EBF1: variants seen among roughly 807,000 people sequenced by gnomAD.
The protein encoded by EBF1 is transcription factor COE1.
In EBF1, 10 loss-of-function variants were observed where a neutral mutation model predicts 68.4. The ratio of observed to expected loss-of-function variants is 0.15; its 90% CI spans 0.09 to 0.25. The LOEUF is 0.25. Ranked by LOEUF, EBF1 falls within the 10% of genes least tolerant of loss-of-function variation. EBF1 has a pLI of 1.00. For missense variants in EBF1, 509 were observed against 794.4 expected (o/e 0.64, Z 4.32); for synonymous variants, 298 against 299.8 (o/e 0.99, Z 0.06).
intron 6 of EBF1, among the ~76,000 whole-genome samples, chr5:158,894,239 AC>A (rs1259392499): frequency 6.6e-6 from 1 of 152,190 alleles, no homozygotes; most frequent in African/African-American, 2.4e-5. Flanking sequence ...CATTTCTGAT[AC>A]CAAAATTTAA....
At chr5:159,045,722 T>C (rs984836461) in intron 6 of EBF1, among the ~76,000 whole-genome samples, 1 of 152,238 alleles carries the variant, frequency 6.6e-6, no homozygotes, top group Admixed American at 6.5e-5. Flanking sequence ...GCTGTTTGGC[T>C]AAATCAAATT....
At chr5:158,998,305 G>A (rs956693670) in intron 6 of EBF1, among the ~76,000 whole-genome samples, 1 of 151,986 alleles carries the variant, frequency 6.6e-6, no homozygotes, top group Non-Finnish European at 1.5e-5. Flanking sequence ...CAACCTCCTC[G>A]ACAAGGCTTT....
At chr5:158,873,387 T>C (rs1797244948) in intron 6 of EBF1, among the ~76,000 whole-genome samples, 1 of 152,202 alleles carries the variant, frequency 6.6e-6, no homozygotes. Context: ...TCGCCACATT[T>C]TGGCATTGCC....
rs572766097 is a variant in EBF1 at position 158,779,072 on chromosome 5, A to G, written c.910-1533T>C. ...AGAAAGAGGCTCTGAAGGGCAGTGA[A>G]AGATGATCTTCCCCAAATCAAGAGC... On this transcript the variant is annotated intron_variant, in intron 9 of 15. Coordinates refer to ENST00000313708, the MANE Select transcript of EBF1 (RefSeq NM_024007.5). Among the ~76,000 whole-genome samples the G allele has an allele frequency of 1.1e-4, 16 of 152,292 alleles. 2 individuals carry two copies. The South Asian group carries it at 2.7e-3, about 26-fold the overall frequency.
chr5:159,052,998 G>A (rs1253884550), intron 6 of EBF1, among the ~76,000 whole-genome samples: 3 of 152,206 alleles, frequency 2.0e-5, no homozygotes, highest in Non-Finnish European at 4.4e-5. Flanking sequence ...GCCCAGGGGA[G>A]CAATGACCAA....
intron 6 of EBF1, among the ~76,000 whole-genome samples, chr5:158,861,301 C>T (rs1167396650): frequency 7.2e-6 from 1 of 139,206 alleles, no homozygotes. Flanking sequence ...ATGAAGCCAA[C>T]CTAGTAGAAT....
chr5:159,087,439 T>TATATACAC (rs1561986742), intron 4 of EBF1, among the ~76,000 whole-genome samples: 1 of 149,062 alleles, frequency 6.7e-6, no homozygotes, highest in Non-Finnish European at 1.5e-5. Context: ...CACATATATA[T>TATATACAC]ACATATATAT....
At chr5:158,898,557 T>A (rs1582992908) in intron 6 of EBF1, among the ~76,000 whole-genome samples, 1 of 152,366 alleles carries the variant, frequency 6.6e-6, no homozygotes, top group Admixed American at 6.5e-5. Flanking sequence ...TTTTTCTAAC[T>A]GGGACATTTG....
At chr5:158,775,783 G>GACACACACACACACACAC in intron 10 of EBF1, among the ~76,000 whole-genome samples, 1 of 129,606 alleles carries the variant, frequency 7.7e-6, no homozygotes, top group South Asian at 2.8e-4. Context: ...CATGCACACA[G>GACACACACACACACACAC]ACACACACAC....
chr5:158,716,553 G>A (rs1581259433), intron 11 of EBF1, among the ~76,000 whole-genome samples: 1 of 152,164 alleles, frequency 6.6e-6, no homozygotes, highest in African/African-American at 2.4e-5. Context: ...ATCCTTCACT[G>A]TAGTATCAAC....
chr5:158,799,016 T>A (rs541428324), intron 8 of EBF1, among the ~76,000 whole-genome samples: 41 of 152,234 alleles, frequency 2.7e-4, no homozygotes, highest in African/African-American at 9.6e-4. Flanking sequence ...TTATAACATA[T>A]TAGTCTTGAG....
chr5:158,712,403 A>C, intron 13 of EBF1, 70 bp from the exon 14 acceptor site: 2 of 1,554,534 alleles, frequency 1.3e-6, no homozygotes, highest in Admixed American at 3.7e-5. Flanking sequence ...AGACTCGGGG[A>C]AAGGAAGGTC....
chr5:158,903,519 G>C (rs1214176271), intron 6 of EBF1, among the ~76,000 whole-genome samples: 1 of 152,100 alleles, frequency 6.6e-6, no homozygotes, highest in Non-Finnish European at 1.5e-5. Flanking sequence ...CCTGTCAAGA[G>C]CCTGGCAGAC....
At chr5:158,994,017 A>C (rs1259424266) in intron 6 of EBF1, among the ~76,000 whole-genome samples, 2 of 152,214 alleles carry the variant, frequency 1.3e-5, no homozygotes, top group African/African-American at 4.8e-5. Context: ...TTATCATCAC[A>C]GCAGGTGGGA....
intron 6 of EBF1, among the ~76,000 whole-genome samples, chr5:158,922,630 A>G (rs1411178786): frequency 6.6e-6 from 1 of 152,178 alleles, no homozygotes; most frequent in Non-Finnish European, 1.5e-5. Context: ...AGATTTACGG[A>G]AAGTTAAGAA....
At chr5:159,098,896 AAAG>A (rs2128016443) in intron 1 of EBF1, among the ~76,000 whole-genome samples, 2 of 150,668 alleles carry the variant, frequency 1.3e-5, no homozygotes, top group South Asian at 4.2e-4. Flanking sequence ...AAAGAAAGAA[AAAG>A]AAAAAAGAAA....
At chr5:158,740,022 C>T (rs1180849028) in intron 10 of EBF1, among the ~76,000 whole-genome samples, 2 of 152,302 alleles carry the variant, frequency 1.3e-5, no homozygotes, top group Non-Finnish European at 2.9e-5. Context: ...TGGCTTGTAG[C>T]TTTTATCTGA....
rs1581120257 is a variant in EBF1, at chr5:158,699,057, T to C, written c.*54A>G. 11 of 1,521,460 alleles carry C rather than the reference T, an allele frequency of 7.2e-6. No individual in the cohort carries two copies. Among genetic ancestry groups the C allele is most frequent in the Non-Finnish European group, 9.8e-6 (11 of 1,126,704 alleles). The allele number at this position is 1,521,460 out of a possible 1,614,324, so 94.2% of individuals were successfully genotyped here. A position where few individuals can be genotyped will look rare whatever the true frequency, so the allele number is the denominator to read the frequency against. On this transcript the variant is annotated 3_prime_UTR_variant, in exon 16 of 16. Coordinates refer to ENST00000313708, the MANE Select transcript of EBF1 (RefSeq NM_024007.5). ...CACTCTGGGACTTGTATCAGATTAC[T>C]CTCTGTAGCAGAATCCAACCTCTTC...
At chr5:159,097,200 C>T (rs960945468) in intron 1 of EBF1, 70 bp from the exon 2 acceptor site, 1 of 1,509,434 alleles carries the variant, frequency 6.6e-7, no homozygotes, top group Non-Finnish European at 8.9e-7. Context: ...ACCCTGTACA[C>T]ACACTCGAAC....
Sources: allele counts gnomAD v4.1 joint callset (sites outside exome capture counted in the v4.1 genomes callset), GRCh38; gene constraint gnomAD v4.1.1; transcripts MANE v1.5; gene names NCBI Gene and HGNC (gene_info 2026-07-23, HGNC 2026-07-21).